SLCO2A1: variants seen among roughly 807,000 people sequenced by gnomAD.
SLCO2A1 encodes solute carrier organic anion transporter family member 2A1.
A neutral mutation model predicts 71.7 loss-of-function variants in SLCO2A1; 60 were observed. The ratio of observed to expected loss-of-function variants is 0.84; its 90% CI spans 0.68 to 1.04. SLCO2A1 has a LOEUF of 1.04. SLCO2A1 is among the 50% of genes least tolerant of loss of function. SLCO2A1 has a pLI of 0.00. For synonymous variants in SLCO2A1, 308 were observed against 326.7 expected (o/e 0.94, Z 0.62); for missense variants, 745 against 813.4 (o/e 0.92, Z 1.02).
intron 13 of SLCO2A1, 52 bp from the exon 14 acceptor site, chr3:133,934,882 A>G: frequency 6.9e-7 from 1 of 1,439,266 alleles, no homozygotes; most frequent in South Asian, 1.1e-5. Flanking sequence ...TGCAGCCCAC[A>G]TCCCAGGGCC....
intron 3 of SLCO2A1, among the ~76,000 whole-genome samples, chr3:133,957,281 T>G (rs1933921694): frequency 6.6e-6 from 1 of 151,862 alleles, no homozygotes; most frequent in Non-Finnish European, 1.5e-5. Context: ...CCCCGTGGAG[T>G]GTTGGGCCTC....
chr3:134,029,856 C>A lies in SLCO2A1; in HGVS notation c.-54G>T. The A allele has an allele frequency of 8.8e-7, 1 of 1,135,702 alleles. No homozygotes were observed. 70.4% of individuals were successfully genotyped at this position (1,135,702 alleles called of 1,614,324 possible). ...TGGCGCGGGGTCGGGGCGCCTCGGGCTGGAGCGGCCGGGCGGGTGAGAGGC... is the reference window on the plus strand; with the variant it reads ...TGGCGCGGGGTCGGGGCGCCTCGGGATGGAGCGGCCGGGCGGGTGAGAGGC... On this transcript the variant is annotated 5_prime_UTR_variant, in exon 1 of 14. Coordinates refer to ENST00000310926, the MANE Select transcript of SLCO2A1 (RefSeq NM_005630.3).
chr3:133,995,470 TC>T (rs1193475342), intron 1 of SLCO2A1, among the ~76,000 whole-genome samples: 2 of 152,320 alleles, frequency 1.3e-5, no homozygotes, highest in East Asian at 3.9e-4. Context: ...TGCATGGCCC[TC>T]CTCAGGTGAT....
rs71139603 is a variant in SLCO2A1, at chr3:134,004,093, CGTGTGTGTGT to C, written c.97-24485_97-24476del. On this transcript the variant is annotated intron_variant, in intron 1 of 13. Coordinates refer to ENST00000310926, the MANE Select transcript of SLCO2A1 (RefSeq NM_005630.3). ...AGCCAAATTTTGTAATGAATCTCTTCGTGTGTGTGTGTGTGTGTGTGTGTGTGTGTGTGTG... is the reference window on the plus strand; with the variant it reads ...AGCCAAATTTTGTAATGAATCTCTTCGTGTGTGTGTGTGTGTGTGTGTGTG... Among the ~76,000 whole-genome samples, 549 of 149,622 alleles carry C rather than the reference CGTGTGTGTGT, an allele frequency of 3.7e-3. 6 individuals carry two copies. The highest frequency in any genetic ancestry group is 0.013 in the African/African-American group (512 of 40,378).
In SLCO2A1 at chr3:133,962,622, C is replaced by T. The variant is rs187413770; in HGVS notation, c.398-7429G>A. On this transcript the variant is annotated intron_variant, in intron 3 of 13. Transcript: ENST00000310926. Reference sequence around the variant, plus strand: ...AGTCTCTTTGCACCACTCCACACCTCTCCTCCCTGGAGCAAAAGCTCCAGC... The same window carrying T: ...AGTCTCTTTGCACCACTCCACACCTTTCCTCCCTGGAGCAAAAGCTCCAGC... Among the ~76,000 whole-genome samples, 16 of 152,294 alleles carry T rather than the reference C, an allele frequency of 1.1e-4. 1 individual carries two copies. The East Asian group carries it at 3.1e-3, about 29-fold the overall frequency.
At chr3:134,017,571 G>A (rs6788985) in intron 1 of SLCO2A1, among the ~76,000 whole-genome samples, 4,637 of 152,294 alleles carry the variant, frequency 0.03, 174 homozygotes, top group Admixed American at 0.077. Flanking sequence ...GCCTGGCCCT[G>A]TGCAGGCTTC....
chr3:133,971,525 T>C (rs1934326385), intron 3 of SLCO2A1, among the ~76,000 whole-genome samples: 1 of 152,270 alleles, frequency 6.6e-6, no homozygotes, highest in African/African-American at 2.4e-5. Flanking sequence ...TCTTGCCCTA[T>C]TCTTTTCCTG....
intron 1 of SLCO2A1, among the ~76,000 whole-genome samples, chr3:134,015,504 T>C (rs1935430441): frequency 6.6e-6 from 1 of 152,124 alleles, no homozygotes; most frequent in African/African-American, 2.4e-5. Context: ...ATGGGAGGAA[T>C]AGATTTTGAG....
At chr3:133,973,937 C>T (rs2108055426) in intron 2 of SLCO2A1, 112 bp from the exon 3 acceptor site, 2 of 1,104,630 alleles carry the variant, frequency 1.8e-6, no homozygotes, top group Non-Finnish European at 2.6e-6. Context: ...GGGGGCTGCC[C>T]AGTGTCAGCT....
rs1369354634 is a variant in SLCO2A1, at chr3:133,933,317, C to A, written c.*1396G>T. On this transcript the variant is annotated 3_prime_UTR_variant, in exon 14 of 14. Transcript: ENST00000310926. ...CTTCTTGCTGTCCCCACCTCTCCTC[C>A]TGCTCTCACCAACTCCCACACCCCC... 1 of 152,324 alleles carries A rather than the reference C, an allele frequency of 6.6e-6. No homozygotes were observed. The highest frequency in any genetic ancestry group is 1.5e-5 in the Non-Finnish European group (1 of 68,172). The allele number at this position is 152,324 out of a possible 1,614,324, so 9.4% of individuals were successfully genotyped here.
chr3:133,937,366 G>C (rs1465953219), intron 12 of SLCO2A1, among the ~76,000 whole-genome samples: 1 of 152,204 alleles, frequency 6.6e-6, no homozygotes, highest in East Asian at 1.9e-4. Context: ...GGGTCTGAAG[G>C]GGCTCTGCAG....
At chr3:134,024,629 C>T (rs1051706710) in intron 1 of SLCO2A1, among the ~76,000 whole-genome samples, 5 of 152,270 alleles carry the variant, frequency 3.3e-5, no homozygotes, top group East Asian at 1.9e-4. Flanking sequence ...ACGGGGTTTC[C>T]AAAGCCTGGC....
At chr3:133,962,355 T>C (rs1934056401) in intron 3 of SLCO2A1, among the ~76,000 whole-genome samples, 1 of 152,134 alleles carries the variant, frequency 6.6e-6, no homozygotes, top group African/African-American at 2.4e-5. Flanking sequence ...GCTGGGATTA[T>C]AGGCGTGAGC....
At chr3:133,978,379 C>T (rs34726474) in intron 2 of SLCO2A1, among the ~76,000 whole-genome samples, 20,986 of 152,100 alleles carry the variant, frequency 0.14, 1,692 homozygotes, top group African/African-American at 0.22. Context: ...CTGAGAAACA[C>T]GACTGTGAAG....
At chr3:133,963,674 A>T (rs1934097500) in intron 3 of SLCO2A1, among the ~76,000 whole-genome samples, 1 of 152,200 alleles carries the variant, frequency 6.6e-6, no homozygotes. Context: ...AGCAAGCCCC[A>T]AACTTCAGAA....
At chr3:133,937,010 C>A (rs566958649) in intron 12 of SLCO2A1, among the ~76,000 whole-genome samples, 1 of 152,188 alleles carries the variant, frequency 6.6e-6, no homozygotes, top group African/African-American at 2.4e-5. Flanking sequence ...GGAACCCCTC[C>A]AGGCCTGGGT....
chr3:133,938,487 CA>C lies in SLCO2A1; in HGVS notation c.1631del (p.Val544GlyfsTer16). On this transcript the variant is annotated frameshift_variant, in exon 12 of 14. Coordinates refer to ENST00000310926, the MANE Select transcript of SLCO2A1 (RefSeq NM_005630.3). LOFTEE classifies it high-confidence loss of function. The stretch of plus-strand genomic sequence containing the variant: ...TGGCAAATGACTTTTCCTCCTGGTT[CA>C]CCACACTGAAAAGACAGACAGGAAA... Reference protein sequence around the residue: ...NPLYMMVLRVVNQEEKSFAIG... With the variant: ...NPLYMMVLRVXNQEEKSFAIG... 1 of 1,614,098 alleles carries C rather than the reference CA, an allele frequency of 6.2e-7. No individual in the cohort carries two copies. Among genetic ancestry groups the C allele is most frequent in the Non-Finnish European group, 8.5e-7 (1 of 1,180,002 alleles).
intron 1 of SLCO2A1, among the ~76,000 whole-genome samples, chr3:134,022,078 A>AG (rs1205513560): frequency 3.5e-4 from 53 of 151,768 alleles, no homozygotes; most frequent in Non-Finnish European, 1.0e-4. Context: ...AAAAAAAAAA[A>AG]GAAAAAAAGA....
intron 1 of SLCO2A1, among the ~76,000 whole-genome samples, chr3:133,987,523 C>T (rs1019549056): frequency 6.6e-6 from 1 of 152,078 alleles, no homozygotes; most frequent in Non-Finnish European, 1.5e-5. Context: ...CACCCCACTT[C>T]AAGTTGTCTC....
Sources: gnomAD v4.1 joint callset for allele counts (sites outside exome capture counted in the v4.1 genomes callset) on GRCh38, gnomAD v4.1.1 for gene constraint, MANE v1.5 for transcripts, NCBI Gene and HGNC (gene_info 2026-07-23, HGNC 2026-07-21) for gene names.